RPL28: variants seen among roughly 807,000 people sequenced by gnomAD.
RPL28 encodes large ribosomal subunit protein eL28.
A neutral mutation model predicts 12.5 loss-of-function variants in RPL28; 4 were observed. The ratio of observed to expected loss-of-function variants is 0.32; its 90% CI spans 0.16 to 0.73. The LOEUF is 0.73. Among genes scored for constraint, RPL28 ranks in the 30% least tolerant of loss-of-function variants. The pLI, the probability that RPL28 is intolerant of heterozygous loss-of-function variation, is 0.66. For missense variants in RPL28, 214 were observed against 197.7 expected, an observed-to-expected ratio of 1.08 and a Z score of -0.49; for synonymous variants, 91 against 72.5, an observed-to-expected ratio of 1.26 and a Z score of -1.30.
chr19:55,402,264 A>G (rs961351820), intron 4 of RPL28, among the ~76,000 whole-genome samples: 1 of 152,216 alleles, frequency 6.6e-6, no homozygotes, highest in Non-Finnish European at 1.5e-5. Flanking sequence ...AAAGCTCCCC[A>G]TCTTTCCAGA....
chr19:55,393,699 C>T (rs111384691), downstream of RPL28, among the ~76,000 whole-genome samples: 4,644 of 150,124 alleles, frequency 0.031, 261 homozygotes, highest in African/African-American at 0.11. Context: ...ATGGCATGAC[C>T]TTGGCTCACT....
In RPL28 at chr19:55,389,531, C is replaced by T. The variant is rs992251100; in HGVS notation, c.*1199C>T. 4.4e-5 allele frequency: 43 copies of T among 985,456 alleles called. No individual in the cohort carries two copies. Among genetic ancestry groups the T allele is most frequent in the Non-Finnish European group, 5.1e-5 (42 of 829,952 alleles). 61.0% of individuals were successfully genotyped at this position (985,456 alleles called of 1,614,324 possible). ...TCTGCTCCCTGTCTGAGACCACCCC[C>T]GGCTCTGACTGAGAGTAAGGGGACT... On this transcript the variant is annotated 3_prime_UTR_variant, in exon 5 of 5. Transcript: ENST00000344063.
chr19:55,396,994 C>T (rs2090028927), downstream of RPL28, among the ~76,000 whole-genome samples: 1 of 152,090 alleles, frequency 6.6e-6, no homozygotes, highest in Non-Finnish European at 1.5e-5. Flanking sequence ...ATCCTCCCAC[C>T]TCAGCCTCCT....
At position 55,390,656 on chromosome 19, in the gene RPL28, G is replaced by A. The variant is rs1171324468; in HGVS notation, c.*2324G>A. 6.7e-5 allele frequency: 66 copies of A among 985,328 alleles called. No homozygotes were observed. Among genetic ancestry groups the A allele is most frequent in the African/African-American group, 8.7e-5 (5 of 57,208 alleles). 61.0% of individuals were successfully genotyped at this position (985,328 alleles called of 1,614,324 possible). A position where few individuals can be genotyped will look rare whatever the true frequency, so the allele number is the denominator to read the frequency against. Reference sequence around the variant, plus strand: ...TGTGTGGCCTCCCCTGGTCTCATCCGTAACACAGCCCAGCTTAGTGGGCCT... The same window carrying A: ...TGTGTGGCCTCCCCTGGTCTCATCCATAACACAGCCCAGCTTAGTGGGCCT... On this transcript the variant is annotated 3_prime_UTR_variant, in exon 5 of 5. Transcript: ENST00000344063.
At chr19:55,386,015 C>T (rs1446755890) in intron 1 of RPL28, 50 bp downstream of exon 1, 2 of 291,428 alleles carry the variant, frequency 6.9e-6, no homozygotes, top group Non-Finnish European at 1.4e-5. Context: ...CCGCCGCGCA[C>T]TCCCTCTCAG....
intron 3 of RPL28, 117 bp downstream of exon 3, chr19:55,386,810 C>G: frequency 6.2e-7 from 1 of 1,601,320 alleles, no homozygotes; most frequent in Non-Finnish European, 8.5e-7. Context: ...ATCCCTGGCG[C>G]CAGGGTGTTG....
At chr19:55,393,897 G>T (rs1569044504), downstream of RPL28, among the ~76,000 whole-genome samples, 1 of 151,864 alleles carries the variant, frequency 6.6e-6, no homozygotes, top group Non-Finnish European at 1.5e-5. Flanking sequence ...TGATCTGCCT[G>T]TGTTGGCCTC....
In RPL28 at chr19:55,388,264, G is replaced by A. The variant is rs745789187; in HGVS notation, c.346G>A (p.Ala116Thr). ...CCAGGCAGCCATCCGCAGGGCCAGC[G>A]CCATCCTGCGCAGCCAGAAGCCTGT... ...LRMAAIRRAS[A>T]ILRSQKPVMV... The change falls in exon 5 of 5, where the codon GCC (alanine) becomes ACC (threonine). Residue 116 changes from alanine (A) to threonine (T), a missense_variant. Transcript: ENST00000344063. The A allele has an allele frequency of 1.8e-5, 28 of 1,575,502 alleles. No individual in the cohort carries two copies. The highest frequency in any genetic ancestry group is 2.2e-5 in the Non-Finnish European group (26 of 1,161,628).
At position 55,391,262 on chromosome 19, in the gene RPL28, CCAGCTCTG is replaced by C; in HGVS notation, c.*2932_*2939del. Reference sequence around the variant, plus strand: ...GAATCAAACTGCCTGGGTTCCAGTCCCAGCTCTGCCAGTTATGCCCAGCTGTGGGGACT... The same window carrying C: ...GAATCAAACTGCCTGGGTTCCAGTCCCCAGTTATGCCCAGCTGTGGGGACT... On this transcript the variant is annotated 3_prime_UTR_variant, in exon 5 of 5. Transcript: ENST00000344063. 2.7e-6 allele frequency: 1 copy of C among 365,294 alleles called. No individual in the cohort carries two copies. Among genetic ancestry groups the C allele is most frequent in the Non-Finnish European group, 4.4e-6 (1 of 229,210 alleles). The allele number at this position is 365,294 out of a possible 1,614,324, so 22.6% of individuals were successfully genotyped here.
downstream of RPL28, among the ~76,000 whole-genome samples, chr19:55,395,714 A>G (rs376792754): frequency 7.6e-4 from 115 of 152,134 alleles, 2 homozygotes; most frequent in South Asian, 0.015. Flanking sequence ...AAGTGCTGGG[A>G]TTACAGGCAT....
chr19:55,397,273 A>G (rs2090030199), intron 4 of RPL28, among the ~76,000 whole-genome samples: 1 of 152,244 alleles, frequency 6.6e-6, no homozygotes, highest in Non-Finnish European at 1.5e-5. Flanking sequence ...GAAGGCATTC[A>G]AGCTGTAGTA....
Position 55,389,815 on chromosome 19 carries a change from A to AC in RPL28, c.*1489dup, listed in dbSNP as rs1304315268. 6.1e-6 allele frequency: 6 copies of AC among 983,746 alleles called. No homozygotes were observed. Among genetic ancestry groups the AC allele is most frequent in the East Asian group, 1.1e-4 (1 of 8,770 alleles). 60.9% of individuals were successfully genotyped at this position (983,746 alleles called of 1,614,324 possible). A position where few individuals can be genotyped will look rare whatever the true frequency, so the allele number is the denominator to read the frequency against. On this transcript the variant is annotated 3_prime_UTR_variant, in exon 5 of 5. Transcript: ENST00000344063. ...TTGGGTGACTTGGTACCTGCTCAGG[A>AC]CCCCCCGCACTGTCCCAATCCCACT...
rs773843717 is a variant in RPL28, at chr19:55,389,269, C to T, written c.*937C>T. The T allele has an allele frequency of 4.1e-5, 38 of 922,926 alleles. No homozygotes were observed. The highest frequency in any genetic ancestry group is 2.0e-4 in the South Asian group (4 of 19,980). The allele number at this position is 922,926 out of a possible 1,614,324, so 57.2% of individuals were successfully genotyped here. ...GAGGTTGAGTAGAGGCTGAGGTGAG[C>T]GGAGCACTTGAGCCAAGAGTATGAG... On this transcript the variant is annotated 3_prime_UTR_variant, in exon 5 of 5. Coordinates refer to ENST00000344063, the MANE Select transcript of RPL28 (RefSeq NM_000991.5).
rs547092474 is a variant in RPL28 at position 55,391,460 on chromosome 19, G to A, written c.*3128G>A. ...GTGAGTGAGCGTAGGGCGCACCCTG[G>A]AAGGCTGCCAAGCCCAAAGTTGTGC... On this transcript the variant is annotated 3_prime_UTR_variant, in exon 5 of 5. Transcript: ENST00000344063. The A allele has an allele frequency of 5.9e-6, 8 of 1,364,490 alleles. No homozygotes were observed. In the South Asian group the frequency reaches 1.5e-4, roughly 26 times the overall value. The allele number at this position is 1,364,490 out of a possible 1,614,324, so 84.5% of individuals were successfully genotyped here. A position where few individuals can be genotyped will look rare whatever the true frequency, so the allele number is the denominator to read the frequency against.
chr19:55,388,449 C>A lies in RPL28; in HGVS notation c.*117C>A. 7.4e-7 allele frequency: 1 copy of A among 1,353,950 alleles called. No homozygotes were observed. The highest frequency in any genetic ancestry group is 2.0e-5 in the South Asian group (1 of 50,706). 83.9% of individuals were successfully genotyped at this position (1,353,950 alleles called of 1,614,324 possible). On this transcript the variant is annotated 3_prime_UTR_variant, in exon 5 of 5. Transcript: ENST00000344063. ...CTGTGTGTTGTCATTCAGGCCATGT[C>A]ATCAAAACTCTGCATGTCACCTTGT...
intron 3 of RPL28, 182 bp downstream of exon 3, chr19:55,386,875 G>C: frequency 6.5e-7 from 1 of 1,543,646 alleles, no homozygotes; most frequent in Non-Finnish European, 8.7e-7. Context: ...AGCCGCGCGC[G>C]TCTGAGCCCG....
Position 55,386,572 on chromosome 19 carries a change from G to A in RPL28, c.84G>A (p.Glu28=), listed in dbSNP as rs973208995. The A allele has an allele frequency of 6.2e-7, 1 of 1,605,826 alleles. No individual in the cohort carries two copies. Among genetic ancestry groups the A allele is most frequent in the African/African-American group, 1.3e-5 (1 of 74,748 alleles). ...GCCTTGTGCCGCCTCCTTCCCAGGA[G>A]CCCAATAACTTGAAGGCCCGCAATT... ...IKRNKQTYST[E]PNNLKARNSF... Residue 28 remains glutamate (E), a splice_region_variant and synonymous_variant, in exon 3 of 5, where the codon GAG becomes GAA. Transcript: ENST00000344063.
chr19:55,395,650 A>T (rs62128191), downstream of RPL28, among the ~76,000 whole-genome samples: 5 of 148,608 alleles, frequency 3.4e-5, no homozygotes, highest in Non-Finnish European at 7.4e-5. Context: ...TCACTGTGTT[A>T]GCCAGGATGG....
In RPL28 at chr19:55,389,530, C is replaced by G; in HGVS notation, c.*1198C>G. The G allele has an allele frequency of 1.0e-6, 1 of 985,456 alleles. No individual in the cohort carries two copies. 61.0% of individuals were successfully genotyped at this position (985,456 alleles called of 1,614,324 possible). A position where few individuals can be genotyped will look rare whatever the true frequency, so the allele number is the denominator to read the frequency against. On this transcript the variant is annotated 3_prime_UTR_variant, in exon 5 of 5. Coordinates refer to ENST00000344063, the MANE Select transcript of RPL28 (RefSeq NM_000991.5). ...CTCTGCTCCCTGTCTGAGACCACCC[C>G]CGGCTCTGACTGAGAGTAAGGGGAC...
Sources: gnomAD v4.1 joint callset for allele counts (sites outside exome capture counted in the v4.1 genomes callset) on GRCh38, gnomAD v4.1.1 for gene constraint, MANE v1.5 for transcripts, NCBI Gene and HGNC (gene_info 2026-07-23, HGNC 2026-07-21) for gene names.